BLTP1: variants seen among roughly 807,000 people sequenced by gnomAD.
BLTP1 encodes bridge-like lipid transfer protein family member 1, also known as fragile site-associated protein.
At chr4:122,288,962 A>G in the BLTP1 span, 5 of 1,130,970 alleles carry the variant, frequency 4.4e-6, no homozygotes, top group Admixed American at 3.2e-5. Flanking sequence ...CTTTTCTTCA[A>G]TATATTGATT....
At chr4:122,255,163 A>G in the BLTP1 span, 1 of 1,605,738 alleles carries the variant, frequency 6.2e-7, no homozygotes, top group African/African-American at 1.3e-5. Flanking sequence ...TAAGAAGTAA[A>G]TACAACAGGC....
At chr4:122,346,973 TTTGAGA>T in the BLTP1 span, 1 of 784,958 alleles carries the variant, frequency 1.3e-6, no homozygotes, top group South Asian at 5.8e-5. Context: ...TTTTGTCTTC[TTTGAGA>T]TTACATTCTG....
the BLTP1 span, among the ~76,000 whole-genome samples, chr4:122,250,774 T>C: frequency 3.9e-5 from 6 of 152,206 alleles, no homozygotes; most frequent in Non-Finnish European, 5.9e-5. Flanking sequence ...ATCATAGATA[T>C]ATTTATATCC....
chr4:122,309,100 C>A, the BLTP1 span: 1 of 468,684 alleles, frequency 2.1e-6, no homozygotes, highest in Non-Finnish European at 2.8e-6. Context: ...AAGTACATTG[C>A]ACTTAAGCAA....
chr4:122,362,465 A>ATAAC, the BLTP1 span: 761 of 376,194 alleles, frequency 2.0e-3, 3 homozygotes, highest in African/African-American at 0.013. Context: ...ATTAAAATAT[A>ATAAC]TAACTGCTTG....
At chr4:122,194,489 T>C in the BLTP1 span, 2 of 823,404 alleles carry the variant, frequency 2.4e-6, no homozygotes, top group Non-Finnish European at 2.9e-6. Flanking sequence ...ATATTTGACA[T>C]ATAGCATATA....
the BLTP1 span, among the ~76,000 whole-genome samples, chr4:122,195,058 CTG>C: frequency 6.6e-6 from 1 of 152,164 alleles, no homozygotes; most frequent in African/African-American, 2.4e-5. Context: ...CAAATACAAA[CTG>C]TAATCAGTAA....
the BLTP1 span, among the ~76,000 whole-genome samples, chr4:122,283,785 C>T: frequency 0.027 from 4,070 of 152,300 alleles, 179 homozygotes; most frequent in African/African-American, 0.093. Flanking sequence ...GCTGGTATTA[C>T]AGGCATCAGC....
the BLTP1 span, chr4:122,246,505 C>T: frequency 1.2e-5 from 7 of 591,284 alleles, no homozygotes; most frequent in African/African-American, 4.1e-5. Flanking sequence ...TGTTCCACAT[C>T]CATCCAGTAA....
At chr4:122,279,659 A>G in the BLTP1 span, 1 of 1,197,124 alleles carries the variant, frequency 8.4e-7, no homozygotes, top group Non-Finnish European at 1.1e-6. Context: ...TTTTCCATGA[A>G]CTTTTTGAAG....
chr4:122,152,589 G>C, the BLTP1 span: 2 of 985,670 alleles, frequency 2.0e-6, no homozygotes, highest in Non-Finnish European at 2.4e-6. Context: ...GCCCAGGTGA[G>C]GGGATGGGCC....
chr4:122,359,333 T>G, the BLTP1 span: 1 of 972,056 alleles, frequency 1.0e-6, no homozygotes, highest in Non-Finnish European at 1.2e-6. Flanking sequence ...TGCTATCAAG[T>G]CAATGATCTC....
the BLTP1 span, chr4:122,247,347 T>C: frequency 6.2e-7 from 1 of 1,613,254 alleles, no homozygotes; most frequent in South Asian, 1.1e-5. Context: ...TTAGGGGTCT[T>C]GATACAACAG....
At chr4:122,288,744 AT>A in the BLTP1 span, 1 of 609,698 alleles carries the variant, frequency 1.6e-6, no homozygotes, top group African/African-American at 2.0e-5. Flanking sequence ...AAAAGTGGCC[AT>A]TAAAATGATC....
At chr4:122,254,709 T>A in the BLTP1 span, 2 of 1,265,980 alleles carry the variant, frequency 1.6e-6, no homozygotes, top group South Asian at 6.1e-5. Context: ...TAATTTTGCC[T>A]GAGTAAAACA....
chr4:122,324,619 T>A, the BLTP1 span: 1 of 1,096,470 alleles, frequency 9.1e-7, no homozygotes, highest in Non-Finnish European at 1.3e-6. Flanking sequence ...ATGTTCTAAT[T>A]ATAAAATTAA....
the BLTP1 span, among the ~76,000 whole-genome samples, chr4:122,206,367 AAT>A: frequency 1.3e-5 from 2 of 151,952 alleles, no homozygotes; most frequent in Non-Finnish European, 2.9e-5. Context: ...GATAGAAAGA[AAT>A]AGAATGCAGA....
chr4:122,225,891 A>T, the BLTP1 span: 1 of 152,178 alleles, frequency 6.6e-6, no homozygotes, highest in Non-Finnish European at 1.5e-5. Context: ...AGCCATGCTG[A>T]TCCTGCAAGA....
chr4:122,343,413 C>T, the BLTP1 span: 1 of 1,613,524 alleles, frequency 6.2e-7, no homozygotes, highest in Non-Finnish European at 8.5e-7. Flanking sequence ...ACTGTAGGTT[C>T]ATCGGGATTA....
Sources: allele counts gnomAD v4.1 joint callset (sites outside exome capture counted in the v4.1 genomes callset), GRCh38; gene constraint gnomAD v4.1.1; transcripts MANE v1.5; gene names NCBI Gene and HGNC (gene_info 2026-07-23, HGNC 2026-07-21).